The following TMPO variants were observed in gnomAD, a reference collection of about 807,000 sequenced individuals.
TMPO encodes the protein LEM domain containing 4.
Under a neutral mutation model 45.4 loss-of-function variants are expected in TMPO, and 22 were observed. The ratio of observed to expected loss-of-function variants is 0.48; its 90% CI spans 0.35 to 0.69. TMPO has a LOEUF of 0.69. TMPO is among the 30% of genes least tolerant of loss of function. The pLI is 0.01. For missense variants in TMPO, 512 were observed against 548.8 expected (o/e 0.93, Z 0.67); for synonymous variants, 241 against 204.1 (o/e 1.18, Z -1.54).
chr12:98,544,170 G>A (rs1457689191), intron 4 of TMPO, 60 bp from the exon 5 acceptor site: 9 of 1,593,318 alleles, frequency 5.6e-6, no homozygotes, highest in Non-Finnish European at 7.7e-6. Flanking sequence ...TGCCAGTATG[G>A]CCGTTATTAA....
intron 6 of TMPO, 34 bp from the exon 7 acceptor site, chr12:98,544,917 T>C (rs1446491138): frequency 3.5e-6 from 5 of 1,419,528 alleles, no homozygotes; most frequent in Non-Finnish European, 5.0e-6. Flanking sequence ...TATGTTTGGA[T>C]AATTCTGAGT....
rs1335078305 is a variant in TMPO, at chr12:98,534,191, A to G, written c.565+2353A>G. On this transcript the variant is annotated intron_variant, in intron 3 of 8. Transcript: ENST00000556029. ...AAGATGGCTGCCCATACCATGGGAA[A>G]TGCCACTGTAGGTCGTCGATACCTC... 3 of 1,614,012 alleles carry G rather than the reference A, an allele frequency of 1.9e-6. No individual in the cohort carries two copies. Among genetic ancestry groups the G allele is most frequent in the Non-Finnish European group, 1.7e-6 (2 of 1,179,912 alleles).
chr12:98,520,264 A>G (rs1411116751), intron 1 of TMPO, among the ~76,000 whole-genome samples: 1 of 84,056 alleles, frequency 1.2e-5, no homozygotes, highest in African/African-American at 5.5e-5. Context: ...CCGGCCAACC[A>G]TATTTTTCCC....
rs1878135509 is a variant in TMPO at position 98,544,960 on chromosome 12, A to C, written c.889A>C (p.Arg297=). 1.2e-6 allele frequency: 2 copies of C among 1,612,084 alleles called. No homozygotes were observed. Among genetic ancestry groups the C allele is most frequent in the Non-Finnish European group, 1.7e-6 (2 of 1,179,072 alleles). The change falls in exon 7 of 9, where the codon AGG becomes CGG. Residue 297 remains arginine (R), a synonymous_variant. Transcript: ENST00000556029. Reference sequence around the variant, plus strand: ...ATTTGAATCTTGGCAGGTTGTCAATAGGGTGACTGGAAATTTCAAGCATGC... The same window carrying C: ...ATTTGAATCTTGGCAGGTTGTCAATCGGGTGACTGGAAATTTCAAGCATGC... The part of the protein sequence containing the change: ...ASSNESLVVN[R]VTGNFKHASP...
intron 1 of TMPO, among the ~76,000 whole-genome samples, chr12:98,520,372 G>A (rs745474197): frequency 2.1e-4 from 30 of 145,360 alleles, no homozygotes; most frequent in East Asian, 4.2e-4. Flanking sequence ...GCATGATCTC[G>A]GCTCACTGCA....
chr12:98,529,050 C>G (rs901103488), intron 2 of TMPO, among the ~76,000 whole-genome samples: 6 of 147,326 alleles, frequency 4.1e-5, no homozygotes, highest in Non-Finnish European at 9.1e-5. Flanking sequence ...TAGCCTAGTA[C>G]CCTATTTTTT....
At chr12:98,542,347 G>A (rs1035948730) in intron 4 of TMPO, among the ~76,000 whole-genome samples, 1 of 151,880 alleles carries the variant, frequency 6.6e-6, no homozygotes, top group Non-Finnish European at 1.5e-5. Context: ...TAAATTGATA[G>A]GCCTTCAAGA....
chr12:98,533,993 C>G (rs757997825), intron 3 of TMPO: 2 of 1,608,422 alleles, frequency 1.2e-6, no homozygotes, highest in Non-Finnish European at 1.7e-6. Context: ...GCAGCATCAG[C>G]ATTGCAGATT....
In TMPO at chr12:98,516,115, C is replaced by T. The variant is rs730880228; in HGVS notation, c.248C>T (p.Ala83Val). 1.6e-5 allele frequency: 24 copies of T among 1,527,602 alleles called. No individual in the cohort carries two copies. Among genetic ancestry groups the T allele is most frequent in the South Asian group, 9.8e-5 (8 of 81,756 alleles). The allele number at this position is 1,527,602 out of a possible 1,614,324, so 94.6% of individuals were successfully genotyped here. A position where few individuals can be genotyped will look rare whatever the true frequency, so the allele number is the denominator to read the frequency against. Residue 83 changes from alanine (A) to valine (V), a missense_variant, in exon 1 of 9, where the codon GCC (alanine) becomes GTC (valine). By Grantham distance (64) the Ala-to-Val change is moderately conservative (BLOSUM62 0). Around this residue, in one of 3 missense-constraint regions of TMPO, gnomAD observed 299 missense variants for 296.7 expected, o/e 1.01. Coordinates refer to ENST00000556029, the MANE Select transcript of TMPO (RefSeq NM_001032283.3). Reference sequence around the variant, plus strand: ...CCGGTCCTCGGCTCTGGGGCCGCCGCCGCGGGCCGGAGCCGAGCAGCCGTC... The same window carrying T: ...CCGGTCCTCGGCTCTGGGGCCGCCGTCGCGGGCCGGAGCCGAGCAGCCGTC... ...PTPVLGSGAA[A>V]AGRSRAAVGR...
intron 3 of TMPO, chr12:98,532,762 AG>A: frequency 6.2e-7 from 1 of 1,612,866 alleles, no homozygotes; most frequent in Non-Finnish European, 8.5e-7. Context: ...AAAGAGGCAA[AG>A]AATAAAATCA....
intron 3 of TMPO, chr12:98,534,551 C>T (rs993981721): frequency 2.2e-6 from 3 of 1,358,554 alleles, no homozygotes; most frequent in South Asian, 3.1e-5. Flanking sequence ...CTGGTACAAA[C>T]AATTTAACGC....
rs1163911580 is a variant in TMPO at position 98,545,051 on chromosome 12, CAA to C, written c.981_982del (p.Arg328SerfsTer2). 4 of 1,604,164 alleles carry C rather than the reference CAA, an allele frequency of 2.5e-6. No homozygotes were observed. Among genetic ancestry groups the C allele is most frequent in the Non-Finnish European group, 8.5e-7 (1 of 1,173,614 alleles). On this transcript the variant is annotated frameshift_variant, in exon 7 of 9. Coordinates refer to ENST00000556029, the MANE Select transcript of TMPO (RefSeq NM_001032283.3). LOFTEE classifies it high-confidence loss of function. ...AGAAGAGCACCAAAGAAACCATTGACAAGAGCTGAAGTAAATGAATACAATTT... is the reference window on the plus strand; with the variant it reads ...AGAAGAGCACCAAAGAAACCATTGACGAGCTGAAGTAAATGAATACAATTT...
intron 4 of TMPO, 55 bp downstream of exon 4, chr12:98,537,627 C>T (rs557721075): frequency 2.3e-6 from 3 of 1,323,998 alleles, no homozygotes; most frequent in East Asian, 4.9e-5. Flanking sequence ...CCTGACAACA[C>T]TAATCCATGT....
At chr12:98,535,744 T>G in intron 3 of TMPO, 1 of 799,678 alleles carries the variant, frequency 1.3e-6, no homozygotes. Context: ...TGAAACTCAC[T>G]TTGACATTTC....
At chr12:98,530,085 C>G (rs2121186308) in intron 2 of TMPO, among the ~76,000 whole-genome samples, 1 of 152,090 alleles carries the variant, frequency 6.6e-6, no homozygotes, top group Non-Finnish European at 1.5e-5. Flanking sequence ...TGCCTGTAAT[C>G]CCAACACTTT....
At chr12:98,535,383 A>T (rs1877507640) in intron 3 of TMPO, 1 of 985,290 alleles carries the variant, frequency 1.0e-6, no homozygotes, top group African/African-American at 1.7e-5. Flanking sequence ...TAAGAGTCTT[A>T]ACTGCAGAGG....
At position 98,533,878 on chromosome 12, in the gene TMPO, C is replaced by T. The variant is rs758516834; in HGVS notation, c.565+2040C>T. 9 of 1,614,084 alleles carry T rather than the reference C, an allele frequency of 5.6e-6. No individual in the cohort carries two copies. The highest frequency in any genetic ancestry group is 7.6e-6 in the Non-Finnish European group (9 of 1,179,976). Reference sequence around the variant, plus strand: ...AGTTCCAAAAGTAGATGATGAAATCCTAGGGTTTATTTCTGAAGCCACTCC... The same window carrying T: ...AGTTCCAAAAGTAGATGATGAAATCTTAGGGTTTATTTCTGAAGCCACTCC... On this transcript the variant is annotated intron_variant, in intron 3 of 8. Transcript: ENST00000556029.
chr12:98,537,074 A>G (rs1177713270), intron 3 of TMPO, among the ~76,000 whole-genome samples: 1 of 152,216 alleles, frequency 6.6e-6, no homozygotes, highest in African/African-American at 2.4e-5. Flanking sequence ...TTTGCTGTAC[A>G]GTAGTAGTAT....
chr12:98,531,513 TCGTGAGCCACTATGTCTGG>T lies in TMPO; in HGVS notation c.407-165_407-147del, dbSNP rs1460267513. On this transcript the variant is annotated intron_variant, in intron 2 of 8. Transcript: ENST00000556029. ...GCCTCCCAAAGTGGTGGGTTTACAG[TCGTGAGCCACTATGTCTGG>T]CCGCATTATATGGTATTTTTTTTTT... 9.9e-5 allele frequency among the ~76,000 whole-genome samples: 15 copies of T among 152,046 alleles called. No individual in the cohort carries two copies. The South Asian group carries it at 2.9e-3, about 30-fold the overall frequency.
Sources: allele counts gnomAD v4.1 joint callset (sites outside exome capture counted in the v4.1 genomes callset), GRCh38; gene constraint gnomAD v4.1.1; regional missense constraint gnomAD v4.1.1; transcripts MANE v1.5; gene names NCBI Gene and HGNC (gene_info 2026-07-23, HGNC 2026-07-21).